Variants in MORC4 observed in about 807,000 individuals in gnomAD.
The protein encoded by MORC4 is MORC family CW-type zinc finger protein 4.
A neutral mutation model predicts 65.5 loss-of-function variants in MORC4; 22 were observed. That is an observed-to-expected ratio of 0.34 (90% confidence interval 0.24 to 0.48). The LOEUF (loss-of-function observed/expected upper bound fraction) is 0.48. MORC4 is among the 20% of genes least tolerant of loss of function. MORC4 has a pLI of 0.99. For missense variants in MORC4, 624 were observed against 703.0 expected (o/e 0.89, Z 1.27); for synonymous variants, 267 against 255.8 (o/e 1.04, Z -0.42).
intron 11 of MORC4, among the ~76,000 whole-genome samples, chrX:106,957,411 T>C (rs1934136416): frequency 8.9e-6 from 1 of 111,793 alleles, no homozygotes; most frequent in Non-Finnish European, 1.9e-5. Flanking sequence ...GGAAAGATAC[T>C]TGGGCATATC....
intron 14 of MORC4, among the ~76,000 whole-genome samples, chrX:106,950,102 C>T (rs1933936304): frequency 8.9e-6 from 1 of 112,010 alleles, no homozygotes; most frequent in South Asian, 3.7e-4. Context: ...TTAGGTCCTG[C>T]TCTGATTGCT....
intron 14 of MORC4, among the ~76,000 whole-genome samples, chrX:106,943,617 C>T (rs1240737939): frequency 8.9e-6 from 1 of 112,445 alleles, no homozygotes; most frequent in Non-Finnish European, 1.9e-5. Context: ...ATGCAGAGAA[C>T]AGTGCCAACT....
Position 106,957,031 on chromosome X carries a change from T to C in MORC4, c.1386-27A>G, listed in dbSNP as rs768499927. On this transcript the variant is annotated intron_variant, in intron 11 of 16. Coordinates refer to ENST00000355610, the MANE Select transcript of MORC4 (RefSeq NM_024657.5). ...TGCAGTACAGAGAATAAATCATCCT[T>C]TGGAAAAAAACTGGGTCCTTCACTT... 9.2e-6 allele frequency: 10 copies of C among 1,089,664 alleles called. No homozygotes were observed. The South Asian group carries it at 1.6e-4, about 18-fold the overall frequency. The allele number at this position is 1,089,664 out of a possible 1,213,427, so 89.8% of individuals were successfully genotyped here.
chrX:106,989,913 C>T (rs1311767017), intron 3 of MORC4, among the ~76,000 whole-genome samples: 2 of 103,942 alleles, frequency 1.9e-5, no homozygotes, highest in African/African-American at 3.5e-5. Context: ...TCGGGCCAGG[C>T]GTGGTGGCTC....
chrX:106,958,548 GA>G (rs1934163005), intron 10 of MORC4, 84 bp from the exon 11 acceptor site: 5 of 830,526 alleles, frequency 6.0e-6, no homozygotes, highest in Non-Finnish European at 8.2e-6. Context: ...GCCAAAAAAA[GA>G]AAGAACCTAA....
At chrX:106,941,715 G>A (rs1193445016) in intron 16 of MORC4, 83 bp from the exon 17 acceptor site, 3 of 985,657 alleles carry the variant, frequency 3.0e-6, no homozygotes, top group Non-Finnish European at 4.2e-6. Flanking sequence ...CTTCAAAATG[G>A]AACCACATTT....
In MORC4 at chrX:106,956,590, T is replaced by TG. The variant is rs1188839104; in HGVS notation, c.1455-57dup. 13 of 930,535 alleles carry TG rather than the reference T, an allele frequency of 1.4e-5. No homozygotes were observed. In the African/African-American group the frequency reaches 2.3e-4, roughly 17 times the overall value. 76.7% of individuals were successfully genotyped at this position (930,535 alleles called of 1,213,427 possible). A position where few individuals can be genotyped will look rare whatever the true frequency, so the allele number is the denominator to read the frequency against. On this transcript the variant is annotated intron_variant, in intron 12 of 16. Coordinates refer to ENST00000355610, the MANE Select transcript of MORC4 (RefSeq NM_024657.5). ...ACTCATGAAACTTCTCAGTTTGAAATGGACTGCCAATTGTAGATTTAGGTT... is the reference window on the plus strand; with the variant it reads ...ACTCATGAAACTTCTCAGTTTGAAATGGGACTGCCAATTGTAGATTTAGGTT...
At chrX:106,953,421 T>C (rs1934024689) in intron 14 of MORC4, among the ~76,000 whole-genome samples, 1 of 111,491 alleles carries the variant, frequency 9.0e-6, no homozygotes, top group African/African-American at 3.3e-5. Context: ...GGTAACAATG[T>C]GCTTCAAAAA....
At chrX:106,995,023 T>C (rs1392297375) in intron 2 of MORC4, among the ~76,000 whole-genome samples, 1 of 111,749 alleles carries the variant, frequency 8.9e-6, no homozygotes, top group African/African-American at 3.3e-5. Context: ...CTTCTAGCTA[T>C]TTGAAAATAT....
At chrX:106,971,845 T>C (rs960813997) in intron 9 of MORC4, among the ~76,000 whole-genome samples, 6 of 111,745 alleles carry the variant, frequency 5.4e-5, no homozygotes, top group Non-Finnish European at 1.1e-4. Context: ...TATGGAAAAA[T>C]AGGAACCCTT....
chrX:106,957,498 C>T (rs1228826609), intron 11 of MORC4, among the ~76,000 whole-genome samples: 1 of 111,468 alleles, frequency 9.0e-6, no homozygotes, highest in African/African-American at 3.3e-5. Flanking sequence ...AGACATTTTT[C>T]CCCTAAAATG....
chrX:106,981,091 C>T, intron 6 of MORC4, 72 bp from the exon 7 acceptor site: 2 of 1,111,998 alleles, frequency 1.8e-6, no homozygotes, highest in Non-Finnish European at 2.4e-6. Context: ...CCATAAAACA[C>T]TGCTACCAAC....
chrX:106,978,164 G>C lies in MORC4; in HGVS notation c.972C>G (p.Cys324Trp). 1 of 1,207,051 alleles carries C rather than the reference G, an allele frequency of 8.3e-7. No individual in the cohort carries two copies. The highest frequency in any genetic ancestry group is 1.1e-6 in the Non-Finnish European group (1 of 892,300). The change falls in exon 8 of 17, where the codon TGC (cysteine) becomes TGG (tryptophan). Residue 324 changes from cysteine (C) to tryptophan (W), a missense_variant. Physicochemically the swap from Cys to Trp is radical, Grantham distance 215. Coordinates refer to ENST00000355610, the MANE Select transcript of MORC4 (RefSeq NM_024657.5). ...TTATTCCAAACTGGTTACTATTCTTGCAAGAGAACCCAAAGGTGATTCTCA... is the reference window on the plus strand; with the variant it reads ...TTATTCCAAACTGGTTACTATTCTTCCAAGAGAACCCAAAGGTGATTCTCA... ...KQVRITFGFS[C>W]KNSNQFGIMM...
chrX:106,951,665 G>A (rs1221475411), intron 14 of MORC4, among the ~76,000 whole-genome samples: 1 of 111,034 alleles, frequency 9.0e-6, no homozygotes, highest in Non-Finnish European at 1.9e-5. Flanking sequence ...TACTGCACCC[G>A]GCCACTTTAA....
chrX:106,990,549 T>C (rs1022691515), intron 3 of MORC4, among the ~76,000 whole-genome samples: 2 of 112,519 alleles, frequency 1.8e-5, no homozygotes, highest in Admixed American at 9.3e-5. Context: ...TGAGCCACCA[T>C]GCTTGGCCTT....
At chrX:106,956,457 T>C in intron 13 of MORC4, 23 bp downstream of exon 13, 1 of 1,166,773 alleles carries the variant, frequency 8.6e-7, no homozygotes, top group Non-Finnish European at 1.2e-6. Flanking sequence ...GTGAGAACAA[T>C]AAGGGTGTGC....
intron 10 of MORC4, 71 bp from the exon 11 acceptor site, chrX:106,958,535 G>T (rs1934162814): frequency 1.1e-6 from 1 of 944,917 alleles, no homozygotes; most frequent in Non-Finnish European, 1.4e-6. Flanking sequence ...TTAGAAAGGT[G>T]CAGCCAAAAA....
intron 9 of MORC4, among the ~76,000 whole-genome samples, chrX:106,976,039 C>G (rs1934616398): frequency 9.0e-6 from 1 of 111,344 alleles, no homozygotes; most frequent in African/African-American, 3.3e-5. Context: ...ACTATTCTAA[C>G]CTGGCTTTAA....
At chrX:106,998,092 T>G (rs1185878257) in intron 2 of MORC4, among the ~76,000 whole-genome samples, 1 of 112,438 alleles carries the variant, frequency 8.9e-6, no homozygotes, top group Admixed American at 9.4e-5. Flanking sequence ...TCAATAAATA[T>G]TTACCAAATG....
Sources: allele counts gnomAD v4.1 joint callset (sites outside exome capture counted in the v4.1 genomes callset), GRCh38; gene constraint gnomAD v4.1.1; transcripts MANE v1.5; gene names NCBI Gene and HGNC (gene_info 2026-07-23, HGNC 2026-07-21).